Variants in LGR5 observed in about 807,000 individuals in gnomAD.
LGR5 encodes the protein leucine-rich repeat-containing G protein-coupled receptor 5.
A neutral mutation model predicts 76.7 loss-of-function variants in LGR5; 54 were observed. That is an observed-to-expected ratio of 0.70 (90% CI 0.57 to 0.88). LGR5 has a LOEUF of 0.88. LGR5 is among the 40% of genes least tolerant of loss of function. LGR5 has a pLI of 0.00. For missense variants in LGR5, 1,078 were observed against 1,073.3 expected (o/e 1.00, Z -0.06); for synonymous variants, 406 against 421.9 (o/e 0.96, Z 0.46).
intron 17 of LGR5, 65 bp from the exon 18 acceptor site, chr12:71,583,582 G>A: frequency 6.6e-7 from 1 of 1,523,980 alleles, no homozygotes; most frequent in Non-Finnish European, 8.8e-7. Context: ...GAGACAAAAG[G>A]GTAATTCAGC....
chr12:71,476,837 T>A (rs938384701), intron 1 of LGR5, among the ~76,000 whole-genome samples: 6 of 152,194 alleles, frequency 3.9e-5, no homozygotes, highest in Admixed American at 6.5e-5. Context: ...TTTAATCAGG[T>A]TGGCATGGAT....
At chr12:71,493,636 G>C (rs943249164) in intron 1 of LGR5, among the ~76,000 whole-genome samples, 1 of 151,180 alleles carries the variant, frequency 6.6e-6, no homozygotes, top group Admixed American at 6.6e-5. Context: ...TGAGTTTGTG[G>C]ATTTAGAATA....
At chr12:71,527,643 T>C (rs1355676009) in intron 3 of LGR5, among the ~76,000 whole-genome samples, 6 of 152,236 alleles carry the variant, frequency 3.9e-5, no homozygotes, top group Admixed American at 3.9e-4. Context: ...TCACCATTTC[T>C]TATTTTTCTG....
intron 1 of LGR5, among the ~76,000 whole-genome samples, chr12:71,490,742 G>A (rs1199897275): frequency 6.6e-6 from 1 of 151,944 alleles, no homozygotes; most frequent in Non-Finnish European, 1.5e-5. Flanking sequence ...TCCTGAGCCA[G>A]GACTCCCAAG....
At chr12:71,514,083 TA>T (rs954131436) in intron 2 of LGR5, among the ~76,000 whole-genome samples, 9 of 151,648 alleles carry the variant, frequency 5.9e-5, no homozygotes, top group Non-Finnish European at 1.3e-4. Context: ...CCCAGGATCT[TA>T]AAAAACAACA....
chr12:71,584,008 G>GA lies in LGR5; in HGVS notation c.2001dup (p.Tyr668IlefsTer6). On this transcript the variant is annotated frameshift_variant, in exon 18 of 18. Transcript: ENST00000266674. LOFTEE classifies it low-confidence loss of function (END_TRUNC). ...CAGCCCTGGAGCGTGGGTTCTCTGT[G>GA]AAATATTCTGCAAAATTTGAAACGA... is the stretch of plus-strand genomic sequence containing the variant. The GA allele has an allele frequency of 6.2e-7, 1 of 1,614,184 alleles. No homozygotes were observed. The highest frequency in any genetic ancestry group is 8.5e-7 in the Non-Finnish European group (1 of 1,180,038).
At chr12:71,461,562 G>A (rs1346023335) in intron 1 of LGR5, among the ~76,000 whole-genome samples, 1 of 152,042 alleles carries the variant, frequency 6.6e-6, no homozygotes, top group Non-Finnish European at 1.5e-5. Context: ...TTCTATTGGG[G>A]GAATGATAGA....
intron 1 of LGR5, among the ~76,000 whole-genome samples, chr12:71,489,106 A>T (rs1873955201): frequency 6.6e-6 from 1 of 152,188 alleles, no homozygotes; most frequent in South Asian, 2.1e-4. Flanking sequence ...AATCAAATGA[A>T]ATCCATTTGT....
chr12:71,458,586 T>C (rs1256075923), intron 1 of LGR5, among the ~76,000 whole-genome samples: 2 of 152,192 alleles, frequency 1.3e-5, no homozygotes, highest in Non-Finnish European at 2.9e-5. Flanking sequence ...GTTTGTACTT[T>C]CTTGCTAGTT....
rs779007790 is a variant in LGR5 at position 71,584,519 on chromosome 12, C to G, written c.2509C>G (p.Gln837Glu). The G allele has an allele frequency of 3.7e-6, 6 of 1,614,166 alleles. No homozygotes were observed. The highest frequency in any genetic ancestry group is 3.3e-5 in the South Asian group (3 of 91,078). Residue 837 changes from glutamine to glutamate, a missense_variant, in exon 18 of 18, where the codon CAA becomes GAA. Coordinates refer to ENST00000266674, the MANE Select transcript of LGR5 (RefSeq NM_003667.4). ...GGAGGATCTGGTGAGCCTGAGAAAG[C>G]AAACCTACGTCTGGACAAGATCAAA... The part of the protein sequence containing the change: ...FKEDLVSLRK[Q>E]TYVWTRSKHP...
At chr12:71,562,687 G>C (rs1245209593) in intron 8 of LGR5, among the ~76,000 whole-genome samples, 1 of 152,096 alleles carries the variant, frequency 6.6e-6, no homozygotes, top group Admixed American at 6.6e-5. Flanking sequence ...TTAGACAAAA[G>C]GCTCCTCTCG....
Position 71,502,193 on chromosome 12 carries a change from C to CTTT in LGR5, c.213-2402_213-2400dup, listed in dbSNP as rs776486573. ...CCTGTTGGAAAAGATAGGTACTTTC[C>CTTT]TTTTTTTTTTTTTTTTTTTTTGAGA... On this transcript the variant is annotated intron_variant, in intron 1 of 17. Coordinates refer to ENST00000266674, the MANE Select transcript of LGR5 (RefSeq NM_003667.4). Among the ~76,000 whole-genome samples the CTTT allele has an allele frequency of 1.2e-3, 146 of 123,154 alleles. 2 individuals are homozygous for CTTT. Among genetic ancestry groups the CTTT allele is most frequent in the African/African-American group, 2.5e-3 (82 of 33,040 alleles). The allele number at this position is 123,154 out of a possible 152,430, so 80.8% of individuals were successfully genotyped here.
chr12:71,479,482 T>C (rs1873488682), intron 1 of LGR5, among the ~76,000 whole-genome samples: 1 of 152,182 alleles, frequency 6.6e-6, no homozygotes, highest in East Asian at 1.9e-4. Context: ...CTTGCCCTTA[T>C]GGCATTCAAG....
chr12:71,576,417 CA>C (rs754171944), intron 13 of LGR5, among the ~76,000 whole-genome samples: 5 of 152,068 alleles, frequency 3.3e-5, no homozygotes, highest in Non-Finnish European at 7.4e-5. Flanking sequence ...AGAAGTGTTG[CA>C]GCCCTTGAGA....
rs148594770 is a variant in LGR5, at chr12:71,578,904, T to C, written c.1381T>C (p.Ser461Pro). 8.5e-4 allele frequency: 1,374 copies of C among 1,608,654 alleles called. 10 individuals carry two copies. The African/African-American group carries it at 0.016, about 19-fold the overall frequency. The part of the protein sequence containing the change: ...TGNHALQSLI[S>P]SENFPELKVI... ...AAATCATGCCTTACAGAGCTTGATA[T>C]CATCTGAAAACTTTCCAGAACTCAA... The change falls in exon 15 of 18, where the codon TCA (serine) becomes CCA (proline). Residue 461 changes from serine to proline, a missense_variant. Physicochemically the swap from Ser to Pro is moderately conservative, Grantham distance 74 (BLOSUM62 -1). Coordinates refer to ENST00000266674, the MANE Select transcript of LGR5 (RefSeq NM_003667.4).
At chr12:71,570,344 G>T (rs920557410) in intron 11 of LGR5, among the ~76,000 whole-genome samples, 2 of 152,044 alleles carry the variant, frequency 1.3e-5, no homozygotes, top group Admixed American at 1.3e-4. Flanking sequence ...TAAAGTGCTT[G>T]GTCAGTGTTA....
At chr12:71,468,860 T>C (rs79808595) in intron 1 of LGR5, among the ~76,000 whole-genome samples, 2 of 152,214 alleles carry the variant, frequency 1.3e-5, no homozygotes, top group Non-Finnish European at 2.9e-5. Flanking sequence ...ATAATTTTGT[T>C]TGTCAGTGAG....
chr12:71,577,538 CA>C (rs1157577497), intron 13 of LGR5, among the ~76,000 whole-genome samples: 3 of 152,006 alleles, frequency 2.0e-5, no homozygotes, highest in Admixed American at 2.0e-4. Context: ...ATTACATATC[CA>C]AGGACATTTT....
At chr12:71,487,807 G>T (rs1873899479) in intron 1 of LGR5, among the ~76,000 whole-genome samples, 1 of 152,090 alleles carries the variant, frequency 6.6e-6, no homozygotes, top group Non-Finnish European at 1.5e-5. Context: ...CAAACCAAAG[G>T]GTTTGATTAC....
Sources: gnomAD v4.1 joint callset for allele counts (sites outside exome capture counted in the v4.1 genomes callset) on GRCh38, gnomAD v4.1.1 for gene constraint, MANE v1.5 for transcripts, NCBI Gene and HGNC (gene_info 2026-07-23, HGNC 2026-07-21) for gene names.